Variants in RABL3 observed in about 807,000 individuals in gnomAD.
RABL3 encodes RAB, member of RAS oncogene family like 3.
A neutral mutation model predicts 31.8 loss-of-function variants in RABL3; 31 were observed. The observed-to-expected ratio is 0.97, with a 90% CI of 0.73 to 1.31. The LOEUF is 1.31. Among genes scored for constraint, RABL3 ranks in the 40% most tolerant of loss-of-function variants. The pLI, the probability that RABL3 is intolerant of heterozygous loss-of-function variation, is 0.00. For synonymous variants in RABL3, 97 were observed against 99.9 expected (o/e 0.97, Z 0.18); for missense variants, 263 against 279.6 (o/e 0.94, Z 0.42).
intron 2 of RABL3, among the ~76,000 whole-genome samples, chr3:120,712,411 G>A (rs1708622579): frequency 6.6e-6 from 1 of 152,044 alleles, no homozygotes; most frequent in African/African-American, 2.4e-5. Flanking sequence ...GTTAAACCAA[G>A]CAGAAAAAAC....
At position 120,685,714 on chromosome 3, in the gene RABL3, A is replaced by G. The variant is rs1708300564; in HGVS notation, c.*4109T>C. ...ATGCGCTTTGATGAATTCTGCTATA[A>G]TGGCACTCATAAAGTACAGAGTTCA... On this transcript the variant is annotated 3_prime_UTR_variant, in exon 8 of 8. Transcript: ENST00000273375. 6.6e-6 allele frequency among the ~76,000 whole-genome samples: 1 copy of G among 152,224 alleles called. No homozygotes were observed. Among genetic ancestry groups the G allele is most frequent in the African/African-American group, 2.4e-5 (1 of 41,462 alleles).
chr3:120,714,596 G>A (rs1708647217), intron 2 of RABL3, among the ~76,000 whole-genome samples: 1 of 152,046 alleles, frequency 6.6e-6, no homozygotes, highest in South Asian at 2.1e-4. Context: ...GAAAAATTGA[G>A]TTAAACCTCT....
chr3:120,742,415 G>A (rs368642118), intron 1 of RABL3, 47 bp downstream of exon 1: 117 of 1,582,904 alleles, frequency 7.4e-5, no homozygotes, highest in Non-Finnish European at 9.8e-5. Flanking sequence ...GGGTTACTGG[G>A]TAACTCAAAA....
chr3:120,736,405 C>A (rs1344719629), intron 1 of RABL3, among the ~76,000 whole-genome samples: 1 of 152,172 alleles, frequency 6.6e-6, no homozygotes, highest in African/African-American at 2.4e-5. Flanking sequence ...GGTAGATCTT[C>A]CTCCATCCCT....
At chr3:120,717,212 T>C (rs1708681072) in intron 2 of RABL3, among the ~76,000 whole-genome samples, 2 of 151,600 alleles carry the variant, frequency 1.3e-5, no homozygotes, top group Admixed American at 1.3e-4. Context: ...GCCAAAATTA[T>C]TGTGCCACTG....
intron 6 of RABL3, among the ~76,000 whole-genome samples, chr3:120,693,217 C>G (rs536599320): frequency 6.6e-6 from 1 of 151,066 alleles, no homozygotes; most frequent in African/African-American, 2.4e-5. Context: ...GCAAAATTTT[C>G]CTAGTGGCCT....
At chr3:120,700,314 T>C (rs1047164647) in intron 4 of RABL3, among the ~76,000 whole-genome samples, 4 of 152,094 alleles carry the variant, frequency 2.6e-5, no homozygotes, top group East Asian at 1.9e-4. Context: ...CAGACCACTA[T>C]ATTTAATTAT....
intron 2 of RABL3, chr3:120,722,407 A>C (rs528902451): frequency 2.0e-5 from 3 of 152,192 alleles, no homozygotes; most frequent in Non-Finnish European, 4.4e-5. Flanking sequence ...TAGAAAAATT[A>C]TTTCATAACT....
At position 120,732,042 on chromosome 3, in the gene RABL3, G is replaced by C. The variant is rs372032108; in HGVS notation, c.47-1255C>G. Among the ~76,000 whole-genome samples the C allele has an allele frequency of 9.2e-4, 140 of 152,222 alleles. 1 individual carries two copies. The highest frequency in any genetic ancestry group is 3.2e-3 in the African/African-American group (134 of 41,540). ...CTGCTGTACTCTAGCCTGGGTGACA[G>C]AGCGAGACACTGTCTACAAAAAAAA... is the stretch of plus-strand genomic sequence containing the variant. On this transcript the variant is annotated intron_variant, in intron 1 of 7. Transcript: ENST00000273375.
chr3:120,703,282 T>C (rs1708513743), intron 4 of RABL3, among the ~76,000 whole-genome samples: 2 of 151,954 alleles, frequency 1.3e-5, no homozygotes, highest in Non-Finnish European at 2.9e-5. Context: ...TAGAAGTCAA[T>C]AGCAAAAAAT....
chr3:120,714,572 C>T (rs900374017), intron 2 of RABL3, among the ~76,000 whole-genome samples: 3 of 152,126 alleles, frequency 2.0e-5, no homozygotes, highest in East Asian at 1.9e-4. Flanking sequence ...TTTTATTTAA[C>T]GTCTAAACTT....
At chr3:120,714,564 T>C (rs1377444306) in intron 2 of RABL3, among the ~76,000 whole-genome samples, 1 of 152,230 alleles carries the variant, frequency 6.6e-6, no homozygotes, top group Non-Finnish European at 1.5e-5. Flanking sequence ...ATTCACTCTT[T>C]TATTTAACGT....
chr3:120,735,120 T>C (rs1708939708), intron 1 of RABL3, among the ~76,000 whole-genome samples: 1 of 152,238 alleles, frequency 6.6e-6, no homozygotes, highest in African/African-American at 2.4e-5. Flanking sequence ...GAAGGAATGG[T>C]ACCAGCTCCT....
Position 120,713,941 on chromosome 3 carries a change from G to T in RABL3, c.139-4032C>A, listed in dbSNP as rs1047266443. Among the ~76,000 whole-genome samples the T allele has an allele frequency of 6.6e-5, 10 of 151,846 alleles. 1 individual carries two copies. Among genetic ancestry groups the T allele is most frequent in the South Asian group, 4.2e-4 (2 of 4,810 alleles). ...TTCTCCTGCCTCAGCCTCCCAAGTG[G>T]CTGGGATTACAGGCACATGTCACCA... On this transcript the variant is annotated intron_variant, in intron 2 of 7. Transcript: ENST00000273375.
intron 1 of RABL3, among the ~76,000 whole-genome samples, chr3:120,735,719 T>C (rs1009792504): frequency 1.3e-5 from 2 of 152,218 alleles, no homozygotes; most frequent in Non-Finnish European, 2.9e-5. Context: ...GCTTTAAATG[T>C]GTCCCAGAGA....
intron 4 of RABL3, among the ~76,000 whole-genome samples, chr3:120,703,185 A>C (rs532349937): frequency 1.3e-5 from 2 of 152,284 alleles, no homozygotes; most frequent in South Asian, 2.1e-4. Flanking sequence ...AGAGACAACA[A>C]CACCCAGGTC....
chr3:120,735,543 C>T (rs1452754734), intron 1 of RABL3, among the ~76,000 whole-genome samples: 1 of 152,022 alleles, frequency 6.6e-6, no homozygotes, highest in Non-Finnish European at 1.5e-5. Context: ...TCTCTATGTC[C>T]TTCAGTTCTG....
intron 1 of RABL3, among the ~76,000 whole-genome samples, chr3:120,740,513 C>T (rs1452963822): frequency 2.0e-5 from 3 of 152,170 alleles, no homozygotes; most frequent in Admixed American, 2.0e-4. Context: ...CCACCCGCCT[C>T]AACCTCCCAA....
intron 1 of RABL3, among the ~76,000 whole-genome samples, chr3:120,740,163 A>C (rs568417428): frequency 3.0e-4 from 45 of 152,358 alleles, no homozygotes; most frequent in African/African-American, 9.1e-4. Flanking sequence ...CTCTGAAAGA[A>C]AGAGAAAACC....
Sources: gnomAD v4.1 joint callset for allele counts (sites outside exome capture counted in the v4.1 genomes callset) on GRCh38, gnomAD v4.1.1 for gene constraint, MANE v1.5 for transcripts, NCBI Gene and HGNC (gene_info 2026-07-23, HGNC 2026-07-21) for gene names.